THAP5: variants seen among roughly 807,000 people sequenced by gnomAD.
THAP5 encodes the protein THAP domain containing 5.
Under a neutral mutation model 34.0 loss-of-function variants are expected in THAP5, and 26 were observed. The observed-to-expected ratio is 0.77, with a 90% CI of 0.56 to 1.06. The LOEUF is 1.06. THAP5 is among the 50% of genes least tolerant of loss of function. The pLI is 0.00. For missense variants in THAP5, 394 were observed against 452.8 expected, an observed-to-expected ratio of 0.87 and a Z score of 1.18; for synonymous variants, 125 against 153.0, an observed-to-expected ratio of 0.82 and a Z score of 1.35.
At chr7:108,569,413 G>A (rs1599015926) in intron 1 of THAP5, 77 bp downstream of exon 1, 5 of 1,547,548 alleles carry the variant, frequency 3.2e-6, no homozygotes, top group East Asian at 2.4e-5. Flanking sequence ...AGAGCGGACA[G>A]GAGACACCCA....
At chr7:108,566,570 G>A (rs552685837) in intron 1 of THAP5, among the ~76,000 whole-genome samples, 3 of 152,174 alleles carry the variant, frequency 2.0e-5, no homozygotes, top group African/African-American at 7.2e-5. Flanking sequence ...CTCTTTACTA[G>A]CATCATCTTT....
At chr7:108,553,894 T>C (rs1309505988), downstream of THAP5, among the ~76,000 whole-genome samples, 1 of 152,200 alleles carries the variant, frequency 6.6e-6, no homozygotes, top group East Asian at 1.9e-4. Context: ...ATGTGATTGA[T>C]GGCAAAGAGA....
chr7:108,566,843 A>C lies in THAP5; in HGVS notation c.81-821T>G, dbSNP rs191192417. 2.2e-3 allele frequency among the ~76,000 whole-genome samples: 342 copies of C among 152,340 alleles called. 1 individual carries two copies. Among genetic ancestry groups the C allele is most frequent in the Non-Finnish European group, 2.0e-3 (139 of 68,008 alleles). ...TACAGTGTATGGCAGAATTTGATAG[A>C]AAATTTTTCCTATCAATCTAAAAAG... On this transcript the variant is annotated intron_variant, in intron 1 of 2. Coordinates refer to ENST00000415914, the MANE Select transcript of THAP5 (RefSeq NM_001130475.3).
the THAP5 span, among the ~76,000 whole-genome samples, chr7:108,547,321 G>A: frequency 2.0e-5 from 3 of 152,150 alleles, no homozygotes; most frequent in Non-Finnish European, 2.9e-5. Flanking sequence ...CAAGCTCAAT[G>A]AAATTAACCT....
chr7:108,558,878 A>G (rs1328490793), downstream of THAP5, among the ~76,000 whole-genome samples: 1 of 152,220 alleles, frequency 6.6e-6, no homozygotes, highest in Non-Finnish European at 1.5e-5. Flanking sequence ...AAAGGGAATA[A>G]CATGTTAACA....
At chr7:108,568,200 G>T (rs546191133) in intron 1 of THAP5, 24 of 152,218 alleles carry the variant, frequency 1.6e-4, no homozygotes, top group African/African-American at 5.8e-4. Context: ...AATTACTTGG[G>T]GTTATCAGTT....
downstream of THAP5, among the ~76,000 whole-genome samples, chr7:108,551,575 G>A (rs1343493556): frequency 1.3e-5 from 2 of 152,144 alleles, no homozygotes; most frequent in South Asian, 2.1e-4. Flanking sequence ...AGACTAAGAC[G>A]TCCACATCTT....
Position 108,564,192 on chromosome 7 carries a change from T to C in THAP5, c.1187A>G (p.Ter396TrpextTer3), listed in dbSNP as rs1326643933. ...HFTTYEVTMI* is the reference protein window; with the variant it reads ...HFTTYEVTMIW ...CCATAGTTTTAAAACCTAGTTATTC[T>C]ATATCATAGTGACTTCATATGTTGT... Residue 396 changes from the stop codon to tryptophan (W), a stop_lost, in exon 3 of 3, where the codon TAG (stop) becomes TGG (tryptophan). Coordinates refer to ENST00000415914, the MANE Select transcript of THAP5 (RefSeq NM_001130475.3). 7.7e-6 allele frequency: 12 copies of C among 1,560,236 alleles called. No individual in the cohort carries two copies. Among genetic ancestry groups the C allele is most frequent in the Admixed American group, 2.1e-5 (1 of 48,732 alleles).
chr7:108,560,861 C>CTGAG (rs1225810030), downstream of THAP5, among the ~76,000 whole-genome samples: 2 of 152,180 alleles, frequency 1.3e-5, no homozygotes, highest in Non-Finnish European at 2.9e-5. Flanking sequence ...CTTCAGCCTC[C>CTGAG]TGAGTAGCTA....
In THAP5 at chr7:108,562,329, G is replaced by A. The variant is rs1790352103; in HGVS notation, c.*1862C>T. On this transcript the variant is annotated 3_prime_UTR_variant, in exon 3 of 3. Coordinates refer to ENST00000415914, the MANE Select transcript of THAP5 (RefSeq NM_001130475.3). ...CAACATAGGAATACTTAATAACACT[G>A]TAATAACTCTATCATCTCCCCATAA... is the stretch of plus-strand genomic sequence containing the variant. 6.6e-6 allele frequency: 1 copy of A among 152,066 alleles called. No homozygotes were observed. Among genetic ancestry groups the A allele is most frequent in the Non-Finnish European group, 1.5e-5 (1 of 68,010 alleles). 9.4% of individuals were successfully genotyped at this position (152,066 alleles called of 1,614,324 possible).
At chr7:108,543,968 A>T in the THAP5 span, among the ~76,000 whole-genome samples, 2,257 of 152,330 alleles carry the variant, frequency 0.015, 27 homozygotes, top group South Asian at 0.056. Flanking sequence ...ATATAAAAAA[A>T]ATTATGAACG....
downstream of THAP5, among the ~76,000 whole-genome samples, chr7:108,558,890 T>C (rs1421156320): frequency 6.6e-6 from 1 of 152,232 alleles, no homozygotes; most frequent in African/African-American, 2.4e-5. Context: ...ATGTTAACAA[T>C]TCACTCAACA....
downstream of THAP5, among the ~76,000 whole-genome samples, chr7:108,561,108 T>C (rs1864426109): frequency 6.6e-6 from 1 of 152,186 alleles, no homozygotes; most frequent in Non-Finnish European, 1.5e-5. Context: ...CTGTTTCCTT[T>C]CTTGAGCTGG....
the THAP5 span, among the ~76,000 whole-genome samples, chr7:108,542,055 A>G: frequency 6.6e-6 from 1 of 152,238 alleles, no homozygotes; most frequent in Admixed American, 6.5e-5. Context: ...AGATCAGGAA[A>G]AAAAACCCTT....
chr7:108,547,668 T>C, the THAP5 span, among the ~76,000 whole-genome samples: 1 of 152,242 alleles, frequency 6.6e-6, no homozygotes, highest in South Asian at 2.1e-4. Context: ...GTGTACAGTT[T>C]ATCAAGCCTG....
chr7:108,546,410 T>C, the THAP5 span, among the ~76,000 whole-genome samples: 2 of 152,208 alleles, frequency 1.3e-5, no homozygotes, highest in African/African-American at 4.8e-5. Flanking sequence ...TGTGTACACC[T>C]GGAACAGGTG....
chr7:108,550,621 A>T (rs1864347654), downstream of THAP5, among the ~76,000 whole-genome samples: 1 of 152,218 alleles, frequency 6.6e-6, no homozygotes, highest in Non-Finnish European at 1.5e-5. Context: ...AGATCAAGGT[A>T]TCAGTAAGTT....
intron 1 of THAP5, among the ~76,000 whole-genome samples, chr7:108,555,850 G>A (rs1468374708): frequency 6.6e-6 from 1 of 151,708 alleles, no homozygotes; most frequent in Non-Finnish European, 1.5e-5. Context: ...TTACAGGCGA[G>A]CACCACCATG....
chr7:108,549,089 T>TACACAC, the THAP5 span, among the ~76,000 whole-genome samples: 6,190 of 136,438 alleles, frequency 0.045, 183 homozygotes, highest in African/African-American at 0.08. Flanking sequence ...ACATGCTTAA[T>TACACAC]ACACACACAC....
Sources: gnomAD v4.1 joint callset for allele counts (sites outside exome capture counted in the v4.1 genomes callset) on GRCh38, gnomAD v4.1.1 for gene constraint, MANE v1.5 for transcripts, NCBI Gene and HGNC (gene_info 2026-07-23, HGNC 2026-07-21) for gene names.